The following SEMA3A variants were observed in gnomAD, a reference collection of about 807,000 sequenced individuals.
The protein encoded by SEMA3A is semaphorin-3A.
In SEMA3A, 29 loss-of-function variants were observed where a neutral mutation model predicts 97.9. The observed-to-expected ratio is 0.30, with a 90% CI of 0.22 to 0.40. The LOEUF is 0.40. Among genes scored for constraint, SEMA3A ranks in the 10% least tolerant of loss-of-function variants. The pLI, the probability that SEMA3A is intolerant of heterozygous loss-of-function variation, is 1.00. For missense variants in SEMA3A, 763 were observed against 951.3 expected, an observed-to-expected ratio of 0.80 and a Z score of 2.60; for synonymous variants, 321 against 323.7, an observed-to-expected ratio of 0.99 and a Z score of 0.09.
At chr7:83,993,199 G>T in intron 12 of SEMA3A, among the ~76,000 whole-genome samples, 2 of 125,164 alleles carry the variant, frequency 1.6e-5, no homozygotes, top group Admixed American at 8.5e-5. Context: ...TTTATTTTGA[G>T]CGTATGTGTG....
At position 83,959,545 on chromosome 7, in the gene SEMA3A, G is replaced by T. The variant is rs1788386616; in HGVS notation, c.*1826C>A. 6.6e-6 allele frequency: 1 copy of T among 151,998 alleles called. No homozygotes were observed. 9.4% of individuals were successfully genotyped at this position (151,998 alleles called of 1,614,324 possible). On this transcript the variant is annotated 3_prime_UTR_variant, in exon 17 of 17. Transcript: ENST00000265362. ...ATTTTTAGGCTTTTGTTTGAAACAA[G>T]TGGCAACAACTTGTTTATTCAAGGC...
At chr7:84,383,387 A>G (rs1269911895) in intron 1 of SEMA3A, among the ~76,000 whole-genome samples, 1 of 152,200 alleles carries the variant, frequency 6.6e-6, no homozygotes, top group Non-Finnish European at 1.5e-5. Flanking sequence ...TTATCTTTAA[A>G]TACAAAGGAA....
intron 3 of SEMA3A, among the ~76,000 whole-genome samples, chr7:84,114,370 C>T (rs552629587): frequency 2.0e-5 from 3 of 152,096 alleles, no homozygotes; most frequent in African/African-American, 7.2e-5. Context: ...AATCAAACAA[C>T]TTGTTCTGGC....
At chr7:84,285,166 G>A (rs1328400447) in intron 3 of SEMA3A, among the ~76,000 whole-genome samples, 1 of 151,918 alleles carries the variant, frequency 6.6e-6, no homozygotes, top group African/African-American at 2.4e-5. Context: ...CAATTCCCAG[G>A]TGGCTTCAGA....
At chr7:84,370,283 C>T (rs965594543) in intron 2 of SEMA3A, among the ~76,000 whole-genome samples, 1 of 151,560 alleles carries the variant, frequency 6.6e-6, no homozygotes, top group Non-Finnish European at 1.5e-5. Flanking sequence ...ATGTGAGTCA[C>T]AATCCATAAA....
intron 1 of SEMA3A, among the ~76,000 whole-genome samples, chr7:84,398,639 T>C (rs998552377): frequency 5.3e-5 from 8 of 151,448 alleles, no homozygotes; most frequent in Admixed American, 2.0e-4. Context: ...TCTGTCTCTA[T>C]ATAATTTTTT....
At chr7:84,196,762 G>A (rs1798242183), upstream of SEMA3A, among the ~76,000 whole-genome samples, 1 of 151,974 alleles carries the variant, frequency 6.6e-6, no homozygotes, top group Non-Finnish European at 1.5e-5. Context: ...ATTATTTCAA[G>A]GATTGGACTA....
At chr7:84,477,562 T>G (rs1490319860) in intron 1 of SEMA3A, among the ~76,000 whole-genome samples, 3 of 152,200 alleles carry the variant, frequency 2.0e-5, no homozygotes, top group Non-Finnish European at 2.9e-5. Flanking sequence ...AGATAGAAAT[T>G]TACTCCCACT....
At chr7:84,046,243 G>C in intron 6 of SEMA3A, 81 bp downstream of exon 6, 1 of 1,494,634 alleles carries the variant, frequency 6.7e-7, no homozygotes, top group Non-Finnish European at 9.2e-7. Flanking sequence ...AAGTCATATT[G>C]CATGTACTGT....
chr7:84,468,367 C>T (rs371072162), intron 1 of SEMA3A, among the ~76,000 whole-genome samples: 49 of 152,196 alleles, frequency 3.2e-4, no homozygotes, highest in African/African-American at 9.6e-4. Context: ...AGTGGTAAGA[C>T]GGTCTTATTT....
chr7:84,390,876 G>T (rs1803552027), intron 1 of SEMA3A, among the ~76,000 whole-genome samples: 1 of 152,068 alleles, frequency 6.6e-6, no homozygotes. Context: ...GCCTGTGTTT[G>T]GTTACTTTTT....
intron 1 of SEMA3A, among the ~76,000 whole-genome samples, chr7:84,415,632 G>A (rs1804412962): frequency 6.6e-6 from 1 of 151,958 alleles, no homozygotes; most frequent in South Asian, 2.1e-4. Context: ...GTGTTAATTT[G>A]CTAATCTTCC....
intron 2 of SEMA3A, among the ~76,000 whole-genome samples, chr7:84,332,313 T>C (rs1055676095): frequency 1.1e-4 from 16 of 152,176 alleles, no homozygotes; most frequent in Admixed American, 2.6e-4. Context: ...ATTAATGTGA[T>C]TGTAAATTAT....
At chr7:84,323,223 C>T (rs940899535) in intron 2 of SEMA3A, among the ~76,000 whole-genome samples, 2 of 152,042 alleles carry the variant, frequency 1.3e-5, no homozygotes, top group Non-Finnish European at 2.9e-5. Context: ...ACTAATTGTG[C>T]GTTTTGTTCT....
At chr7:84,221,883 T>G (rs1177263995) in intron 3 of SEMA3A, among the ~76,000 whole-genome samples, 1 of 152,006 alleles carries the variant, frequency 6.6e-6, no homozygotes, top group African/African-American at 2.4e-5. Context: ...CACATGCTGT[T>G]GAAAAAGCGG....
intron 3 of SEMA3A, among the ~76,000 whole-genome samples, chr7:84,232,211 A>G (rs2116359007): frequency 6.7e-6 from 1 of 149,272 alleles, no homozygotes; most frequent in East Asian, 1.9e-4. Flanking sequence ...ACTAAATATG[A>G]CAAAGCATTT....
At chr7:84,488,311 CGT>C (rs57399584) in intron 1 of SEMA3A, among the ~76,000 whole-genome samples, 47,650 of 145,748 alleles carry the variant, frequency 0.33, 8,581 homozygotes, top group African/African-American at 0.49. Context: ...TATGTTTCTT[CGT>C]ATATACACAC....
At chr7:83,967,024 T>A (rs1405898259) in intron 15 of SEMA3A, among the ~76,000 whole-genome samples, 1 of 152,174 alleles carries the variant, frequency 6.6e-6, no homozygotes, top group African/African-American at 2.4e-5. Context: ...AGTAAATTTT[T>A]ATTGGATACA....
chr7:84,350,345 A>T (rs561063679), intron 2 of SEMA3A, among the ~76,000 whole-genome samples: 1 of 152,268 alleles, frequency 6.6e-6, no homozygotes, highest in South Asian at 2.1e-4. Context: ...GGAATGGGAT[A>T]GTCGTTTCCT....
Sources: gnomAD v4.1 joint callset for allele counts (sites outside exome capture counted in the v4.1 genomes callset) on GRCh38, gnomAD v4.1.1 for gene constraint, MANE v1.5 for transcripts, NCBI Gene and HGNC (gene_info 2026-07-23, HGNC 2026-07-21) for gene names.